Variants in CCDC83 observed in about 807,000 individuals in gnomAD.
CCDC83 encodes the protein coiled-coil domain-containing protein 83.
Under a neutral mutation model 50.1 loss-of-function variants are expected in CCDC83, and 54 were observed. The ratio of observed to expected loss-of-function variants is 1.08; its 90% CI spans 0.87 to 1.35. The LOEUF is 1.35. Among genes scored for constraint, CCDC83 ranks in the 40% most tolerant of loss-of-function variants. CCDC83 has a pLI of 0.00. For missense variants in CCDC83, 518 were observed against 473.9 expected, an observed-to-expected ratio of 1.09 and a Z score of -0.86; for synonymous variants, 161 against 153.3, an observed-to-expected ratio of 1.05 and a Z score of -0.37.
At chr11:85,865,900 A>G (rs896326497) in intron 2 of CCDC83, among the ~76,000 whole-genome samples, 3 of 137,416 alleles carry the variant, frequency 2.2e-5, no homozygotes, top group South Asian at 2.2e-4. Flanking sequence ...TTCCATCTCG[A>G]AAAAAAAAAA....
At position 85,919,907 on chromosome 11, in the gene CCDC83, A is replaced by G. The variant is rs757876571; in HGVS notation, c.*397A>G. 3.1e-5 allele frequency: 6 copies of G among 192,590 alleles called. No individual in the cohort carries two copies. The highest frequency in any genetic ancestry group is 6.2e-5 in the Admixed American group (1 of 16,088). 11.9% of individuals were successfully genotyped at this position (192,590 alleles called of 1,614,324 possible). A position where few individuals can be genotyped will look rare whatever the true frequency, so the allele number is the denominator to read the frequency against. On this transcript the variant is annotated 3_prime_UTR_variant, in exon 11 of 11. Transcript: ENST00000342404. ...CACATCTTTCCCTCTGAGGATGCTC[A>G]ATGTGATAGACAGCCAGTCTATAAT...
At position 85,895,287 on chromosome 11, in the gene CCDC83, TTA is replaced by T. The variant is rs2093368540; in HGVS notation, c.512-5_512-4del. 8.3e-6 allele frequency: 7 copies of T among 839,690 alleles called. No individual in the cohort carries two copies. The highest frequency in any genetic ancestry group is 3.8e-5 in the African/African-American group (2 of 53,214). The allele number at this position is 839,690 out of a possible 1,614,324, so 52.0% of individuals were successfully genotyped here. On this transcript the variant is annotated splice_region_variant and splice_polypyrimidine_tract_variant and intron_variant, in intron 5 of 10. Transcript: ENST00000342404. ...TTCTTTTTTTTTTTTTTTTTTTTTT[TTA>T]AAGAACACTATAAAATCACTCTGGA...
Position 85,909,145 on chromosome 11 carries a change from C to A in CCDC83, c.673-2136C>A, listed in dbSNP as rs533407442. ...GTTTTTGTGTTATTTGCTAAGAATT[C>A]CTGCATTTAAGAAATGATCATGTGA... On this transcript the variant is annotated intron_variant, in intron 7 of 10. Transcript: ENST00000342404. Among the ~76,000 whole-genome samples, 8 of 152,146 alleles carry A rather than the reference C, an allele frequency of 5.3e-5. No homozygotes were observed. The South Asian group carries it at 1.7e-3, about 32-fold the overall frequency.
intron 8 of CCDC83, among the ~76,000 whole-genome samples, chr11:85,914,727 A>G (rs2093469795): frequency 6.6e-6 from 1 of 152,098 alleles, no homozygotes; most frequent in Non-Finnish European, 1.5e-5. Flanking sequence ...TTCCCTGGCA[A>G]CCACCTCCAG....
intron 1 of CCDC83, among the ~76,000 whole-genome samples, chr11:85,861,311 A>G (rs1441173991): frequency 6.6e-6 from 1 of 152,200 alleles, no homozygotes; most frequent in Non-Finnish European, 1.5e-5. Flanking sequence ...TACTACTACT[A>G]CTATTACTTT....
chr11:85,891,722 T>C (rs905415887), intron 5 of CCDC83, among the ~76,000 whole-genome samples: 1 of 152,250 alleles, frequency 6.6e-6, no homozygotes, highest in African/African-American at 2.4e-5. Context: ...CCAAGAGGAC[T>C]CACATTTCCA....
intron 3 of CCDC83, among the ~76,000 whole-genome samples, chr11:85,875,021 C>T (rs200425726): frequency 2.0e-5 from 3 of 152,110 alleles, no homozygotes; most frequent in Non-Finnish European, 2.9e-5. Flanking sequence ...GTGAGCAAGG[C>T]GGGAAGTTTT....
At chr11:85,903,013 C>T (rs1293830620) in intron 7 of CCDC83, among the ~76,000 whole-genome samples, 1 of 152,086 alleles carries the variant, frequency 6.6e-6, no homozygotes, top group Admixed American at 6.6e-5. Flanking sequence ...ATGTGGATCG[C>T]TTGAGGTCAG....
chr11:85,878,599 T>C (rs2135020604), intron 3 of CCDC83, among the ~76,000 whole-genome samples: 1 of 152,376 alleles, frequency 6.6e-6, no homozygotes, highest in South Asian at 2.1e-4. Context: ...ATCTGGGTTG[T>C]TTCCAGTTAT....
At chr11:85,887,176 G>A (rs374137542) in intron 5 of CCDC83, among the ~76,000 whole-genome samples, 39 of 152,314 alleles carry the variant, frequency 2.6e-4, no homozygotes, top group African/African-American at 8.7e-4. Flanking sequence ...GTAGGATGCC[G>A]TCAGGAGCAA....
chr11:85,915,113 A>T (rs562158818), intron 8 of CCDC83, among the ~76,000 whole-genome samples: 1 of 152,270 alleles, frequency 6.6e-6, no homozygotes, highest in South Asian at 2.1e-4. Flanking sequence ...GCTAAACTGT[A>T]TCAAAGACTA....
At chr11:85,876,711 G>T (rs541224424) in intron 3 of CCDC83, among the ~76,000 whole-genome samples, 67 of 152,186 alleles carry the variant, frequency 4.4e-4, no homozygotes, top group Non-Finnish European at 8.2e-4. Flanking sequence ...CACCGTGTTG[G>T]CCAGGCTGGT....
At chr11:85,859,025 G>C (rs1241679731) in intron 1 of CCDC83, among the ~76,000 whole-genome samples, 1 of 151,836 alleles carries the variant, frequency 6.6e-6, no homozygotes, top group East Asian at 1.9e-4. Context: ...AGCAAGCATA[G>C]ATCTGCTACC....
chr11:85,862,351 A>G (rs1012960684), intron 1 of CCDC83, among the ~76,000 whole-genome samples: 1 of 152,200 alleles, frequency 6.6e-6, no homozygotes, highest in Non-Finnish European at 1.5e-5. Flanking sequence ...GACCTCAGAC[A>G]CAGTCGGGAG....
intron 3 of CCDC83, among the ~76,000 whole-genome samples, chr11:85,875,260 C>G (rs773789708): frequency 6.6e-6 from 1 of 152,160 alleles, no homozygotes; most frequent in Non-Finnish European, 1.5e-5. Flanking sequence ...AGGATGAGGA[C>G]CAATCAGAGG....
chr11:85,908,932 G>T (rs1202728299), intron 7 of CCDC83, among the ~76,000 whole-genome samples: 3 of 151,702 alleles, frequency 2.0e-5, no homozygotes, highest in African/African-American at 4.8e-5. Context: ...GGTTTTTTTG[G>T]TTTTTTGTTT....
At chr11:85,899,224 T>C (rs2093389497) in intron 7 of CCDC83, among the ~76,000 whole-genome samples, 1 of 152,044 alleles carries the variant, frequency 6.6e-6, no homozygotes, top group Non-Finnish European at 1.5e-5. Context: ...AATGTTGGGG[T>C]TTATAATTCA....
At chr11:85,917,166 G>GAA (rs59229600) in intron 10 of CCDC83, among the ~76,000 whole-genome samples, 1,244 of 62,358 alleles carry the variant, frequency 0.02, 32 homozygotes, top group Middle Eastern at 0.041. Flanking sequence ...GAGAGAGAGA[G>GAA]AGAAAGAAAG....
intron 7 of CCDC83, among the ~76,000 whole-genome samples, chr11:85,901,223 T>A (rs2093400247): frequency 6.6e-6 from 1 of 151,840 alleles, no homozygotes. Flanking sequence ...TATTTTAAAT[T>A]TGAGAAGGCA....
Sources: gnomAD v4.1 joint callset for allele counts (sites outside exome capture counted in the v4.1 genomes callset) on GRCh38, gnomAD v4.1.1 for gene constraint, MANE v1.5 for transcripts, NCBI Gene and HGNC (gene_info 2026-07-23, HGNC 2026-07-21) for gene names.